Variants in PRELP observed in about 807,000 individuals in gnomAD.
The protein encoded by PRELP is proline and arginine rich end leucine rich repeat protein.
Under a neutral mutation model 22.8 loss-of-function variants are expected in PRELP, and 16 were observed. The observed-to-expected ratio is 0.70, with a 90% CI of 0.47 to 1.06. PRELP has a LOEUF of 1.06. PRELP is among the 50% of genes least tolerant of loss of function. PRELP has a pLI of 0.00. For synonymous variants in PRELP, 233 were observed against 211.4 expected (o/e 1.10, Z -0.89); for missense variants, 434 against 485.2 (o/e 0.89, Z 0.99).
At chr1:203,482,719 T>C (rs962731086) in intron 1 of PRELP, among the ~76,000 whole-genome samples, 1 of 147,064 alleles carries the variant, frequency 6.8e-6, no homozygotes, top group Non-Finnish European at 1.5e-5. Flanking sequence ...TGCCTCAGCC[T>C]CCCAAGTAGC....
At position 203,490,975 on chromosome 1, in the gene PRELP, CTG is replaced by C. The variant is rs1403876388; in HGVS notation, c.*4100_*4101del. On this transcript the variant is annotated 3_prime_UTR_variant, in exon 3 of 3. Transcript: ENST00000343110. ...TGTGTCCTAAGTGTTTGTAATAATG[CTG>C]TGTGTCAGGCCTCTGAGCCCAAGCT... 1 of 152,458 alleles carries C rather than the reference CTG, an allele frequency of 6.6e-6. No individual in the cohort carries two copies. Among genetic ancestry groups the C allele is most frequent in the Non-Finnish European group, 1.5e-5 (1 of 68,178 alleles). The allele number at this position is 152,458 out of a possible 1,614,324, so 9.4% of individuals were successfully genotyped here. A position where few individuals can be genotyped will look rare whatever the true frequency, so the allele number is the denominator to read the frequency against.
chr1:203,482,096 G>A (rs979770039), intron 1 of PRELP, among the ~76,000 whole-genome samples: 11 of 152,206 alleles, frequency 7.2e-5, no homozygotes, highest in Admixed American at 3.3e-4. Flanking sequence ...TAGGTTATAG[G>A]ATCTTTAAGG....
intron 2 of PRELP, 64 bp downstream of exon 2, chr1:203,484,221 C>T: frequency 6.4e-7 from 1 of 1,559,604 alleles, no homozygotes; most frequent in Non-Finnish European, 8.7e-7. Context: ...CACTTCCACC[C>T]TCTCTAGGGA....
In PRELP at chr1:203,490,421, C is replaced by T. The variant is rs1308883826; in HGVS notation, c.*3540C>T. The T allele has an allele frequency of 6.6e-6, 1 of 152,192 alleles. No individual in the cohort carries two copies. Among genetic ancestry groups the T allele is most frequent in the Non-Finnish European group, 1.5e-5 (1 of 68,046 alleles). The allele number at this position is 152,192 out of a possible 1,614,324, so 9.4% of individuals were successfully genotyped here. ...CAGCTGCCTTTGAAACCCAAAGCCT[C>T]GGGTTCTTTCAAGCTACATGTACTA... On this transcript the variant is annotated 3_prime_UTR_variant, in exon 3 of 3. Coordinates refer to ENST00000343110, the MANE Select transcript of PRELP (RefSeq NM_002725.4).
intron 1 of PRELP, among the ~76,000 whole-genome samples, chr1:203,479,619 C>T (rs973972269): frequency 2.7e-5 from 4 of 148,894 alleles, no homozygotes; most frequent in Non-Finnish European, 4.4e-5. Context: ...GGAAGGATCA[C>T]CTGAGCCCAG....
At chr1:203,478,499 T>C (rs894358726) in intron 1 of PRELP, among the ~76,000 whole-genome samples, 1 of 152,232 alleles carries the variant, frequency 6.6e-6, no homozygotes, top group African/African-American at 2.4e-5. Flanking sequence ...AGATGGTCTC[T>C]CCATAATAGT....
At chr1:203,479,032 C>T (rs974330723) in intron 1 of PRELP, among the ~76,000 whole-genome samples, 5 of 152,172 alleles carry the variant, frequency 3.3e-5, no homozygotes, top group African/African-American at 7.2e-5. Context: ...GAGGGGTGTT[C>T]CGACATTCAC....
At position 203,483,055 on chromosome 1, in the gene PRELP, G is replaced by A. The variant is rs1389427965; in HGVS notation, c.-16-114G>A. On this transcript the variant is annotated intron_variant, in intron 1 of 2. Coordinates refer to ENST00000343110, the MANE Select transcript of PRELP (RefSeq NM_002725.4). This position sits in a 1 kb window ranked among gnomAD's most constrained non-coding sequence, Gnocchi z 4.4. Reference sequence around the variant, plus strand: ...CAAGGAGATGCTTCCACAGCTCCCTGAGCTCTGCCCATCTTCCCTAGAGCT... The same window carrying A: ...CAAGGAGATGCTTCCACAGCTCCCTAAGCTCTGCCCATCTTCCCTAGAGCT... The A allele has an allele frequency of 5.9e-6, 5 of 849,724 alleles. No homozygotes were observed. Among genetic ancestry groups the A allele is most frequent in the Non-Finnish European group, 9.3e-6 (5 of 539,148 alleles). 52.6% of individuals were successfully genotyped at this position (849,724 alleles called of 1,614,324 possible).
At chr1:203,482,206 G>A (rs1184112632) in intron 1 of PRELP, among the ~76,000 whole-genome samples, 1 of 152,032 alleles carries the variant, frequency 6.6e-6, no homozygotes, top group African/African-American at 2.4e-5. Flanking sequence ...GGAGGACTGA[G>A]GGCCAGAGTG....
intron 1 of PRELP, among the ~76,000 whole-genome samples, chr1:203,482,524 C>T (rs1463082213): frequency 2.7e-5 from 4 of 150,720 alleles, no homozygotes; most frequent in African/African-American, 4.9e-5. Flanking sequence ...GTGATCCACC[C>T]GCCTTGGCCT....
intron 1 of PRELP, among the ~76,000 whole-genome samples, chr1:203,482,875 T>C (rs898145832): frequency 2.6e-5 from 4 of 152,000 alleles, no homozygotes; most frequent in Non-Finnish European, 4.4e-5. Context: ...GGATTACAGG[T>C]GTGAGCCACC....
chr1:203,482,800 T>C (rs34906628), intron 1 of PRELP, among the ~76,000 whole-genome samples: 5 of 151,848 alleles, frequency 3.3e-5, no homozygotes, highest in African/African-American at 4.8e-5. Context: ...GGTTTCACCG[T>C]GTTAGCCAGG....
chr1:203,476,395 C>T (rs1660911698), intron 1 of PRELP, among the ~76,000 whole-genome samples: 1 of 152,220 alleles, frequency 6.6e-6, no homozygotes, highest in African/African-American at 2.4e-5. Context: ...CCATTCACCT[C>T]TGCCCTCTGC....
intron 1 of PRELP, among the ~76,000 whole-genome samples, chr1:203,476,756 G>A (rs1299276306): frequency 6.6e-6 from 1 of 152,078 alleles, no homozygotes; most frequent in Non-Finnish European, 1.5e-5. Context: ...AAACCACTTG[G>A]CTTTTGGAAA....
In PRELP at chr1:203,483,190, G is replaced by C; in HGVS notation, c.6G>C (p.Arg2Ser). 1 of 1,538,892 alleles carries C rather than the reference G, an allele frequency of 6.5e-7. No individual in the cohort carries two copies. The highest frequency in any genetic ancestry group is 8.7e-7 in the Non-Finnish European group (1 of 1,146,262). Residue 2 changes from arginine to serine, a missense_variant, in exon 2 of 3, where the codon AGG (arginine) becomes AGC (serine). Coordinates refer to ENST00000343110, the MANE Select transcript of PRELP (RefSeq NM_002725.4). The surrounding 1 kb of genome is among the most constrained non-coding windows in gnomAD (Gnocchi z 4.4). M[R>S]SPLCWLLPLL... Reference sequence around the variant, plus strand: ...GCAGGTGCATCACCTGGATCATGAGGTCACCCCTCTGCTGGCTCCTCCCAC... The same window carrying C: ...GCAGGTGCATCACCTGGATCATGAGCTCACCCCTCTGCTGGCTCCTCCCAC...
chr1:203,483,405 C>A lies in PRELP; in HGVS notation c.221C>A (p.Pro74His). 1 of 1,614,136 alleles carries A rather than the reference C, an allele frequency of 6.2e-7. No homozygotes were observed. Among genetic ancestry groups the A allele is most frequent in the Non-Finnish European group, 8.5e-7 (1 of 1,180,008 alleles). ...CCTCCATCTATCTTCCCTGACTGTCCCCGCGAATGCTACTGCCCCCCTGAT... is the reference window on the plus strand; with the variant it reads ...CCTCCATCTATCTTCCCTGACTGTCACCGCGAATGCTACTGCCCCCCTGAT... Reference protein sequence around the residue: ...PGPPSIFPDCPRECYCPPDFP... With the variant: ...PGPPSIFPDCHRECYCPPDFP... Residue 74 changes from proline to histidine, a missense_variant, in exon 2 of 3, where the codon CCC (proline) becomes CAC (histidine). Coordinates refer to ENST00000343110, the MANE Select transcript of PRELP (RefSeq NM_002725.4). This position sits in a 1 kb window ranked among gnomAD's most constrained non-coding sequence, Gnocchi z 4.4.
Position 203,486,860 on chromosome 1 carries a change from C to T in PRELP, c.1128C>T (p.Leu376=). The T allele has an allele frequency of 6.2e-7, 1 of 1,614,004 alleles. No individual in the cohort carries two copies. The highest frequency in any genetic ancestry group is 8.5e-7 in the Non-Finnish European group (1 of 1,179,944). The part of the protein sequence containing the change: ...IPLDLMMCFR[L]LQSVVI ...TGGACCTCATGATGTGCTTCCGCCT[C>T]CTGCAGTCCGTGGTCATCTAGGCCC... is the stretch of plus-strand genomic sequence containing the variant. Residue 376 remains leucine (L), a synonymous_variant, in exon 3 of 3, where the codon CTC becomes CTT. Coordinates refer to ENST00000343110, the MANE Select transcript of PRELP (RefSeq NM_002725.4).
At chr1:203,484,306 C>T in intron 2 of PRELP, 149 bp downstream of exon 2, 1 of 1,280,292 alleles carries the variant, frequency 7.8e-7, no homozygotes, top group South Asian at 1.6e-5. Context: ...CACTTGCTAT[C>T]TGGGTGACCT....
At position 203,486,203 on chromosome 1, in the gene PRELP, G is replaced by A. The variant is rs201258888; in HGVS notation, c.974-503G>A. 9.9e-5 allele frequency among the ~76,000 whole-genome samples: 15 copies of A among 152,166 alleles called. 1 individual carries two copies. The East Asian group carries it at 1.2e-3, about 12-fold the overall frequency. ...GTTCAAGTATCCTGTTAATAACATC[G>A]CTCTCACAAAGACAGTCCTGTTCAC... On this transcript the variant is annotated intron_variant, in intron 2 of 2. Transcript: ENST00000343110.
Sources: allele counts gnomAD v4.1 joint callset (sites outside exome capture counted in the v4.1 genomes callset), GRCh38; gene constraint gnomAD v4.1.1; non-coding constraint Gnocchi (gnomAD v3.1); transcripts MANE v1.5; gene names NCBI Gene and HGNC (gene_info 2026-07-23, HGNC 2026-07-21).